MCM6: variants seen among roughly 807,000 people sequenced by gnomAD.
MCM6 encodes DNA replication licensing factor MCM6.
MCM6 carries 46 observed loss-of-function variants against 94.3 expected under a neutral mutation model. The ratio of observed to expected loss-of-function variants is 0.49; its 90% CI spans 0.39 to 0.62. The LOEUF is 0.62. MCM6 is among the 20% of genes least tolerant of loss of function. MCM6 has a pLI of 0.00. For synonymous variants in MCM6, 335 were observed against 351.9 expected, an observed-to-expected ratio of 0.95 and a Z score of 0.54; for missense variants, 865 against 1,017.9, an observed-to-expected ratio of 0.85 and a Z score of 2.04.
intron 2 of MCM6, among the ~76,000 whole-genome samples, chr2:135,872,049 G>C (rs1680211106): frequency 6.6e-6 from 1 of 152,096 alleles, no homozygotes; most frequent in African/African-American, 2.4e-5. Flanking sequence ...TTCCTGTGGG[G>C]AAAAAGGATC....
chr2:135,871,761 C>T (rs546422035), intron 2 of MCM6, among the ~76,000 whole-genome samples: 12 of 152,254 alleles, frequency 7.9e-5, no homozygotes, highest in African/African-American at 2.9e-4. Flanking sequence ...AGCATACACA[C>T]AAAGACATCA....
At position 135,843,742 on chromosome 2, in the gene MCM6, A is replaced by C. The variant is rs1005986157; in HGVS notation, c.2349+803T>G. 1.3e-4 allele frequency among the ~76,000 whole-genome samples: 20 copies of C among 151,924 alleles called. 1 individual carries two copies. Among genetic ancestry groups the C allele is most frequent in the East Asian group, 9.7e-4 (5 of 5,156 alleles). On this transcript the variant is annotated intron_variant, in intron 16 of 16. Transcript: ENST00000264156. ...CGAAACTCTGTCTCAAAAAAAAAAA[A>C]AAAAAACAAAACCATTCAGGGAAAG...
chr2:135,861,581 T>C (rs1386984321), intron 8 of MCM6, among the ~76,000 whole-genome samples: 3 of 152,220 alleles, frequency 2.0e-5, no homozygotes, highest in Non-Finnish European at 4.4e-5. Flanking sequence ...AAATATCTCA[T>C]AGCAGCATTC....
At chr2:135,848,296 C>T in intron 13 of MCM6, 108 bp from the exon 14 acceptor site, 1 of 694,992 alleles carries the variant, frequency 1.4e-6, no homozygotes, top group East Asian at 2.6e-5. Context: ...CACAAACACA[C>T]ACACTCTCAC....
chr2:135,873,731 C>T (rs186873332), intron 1 of MCM6, among the ~76,000 whole-genome samples: 36 of 152,236 alleles, frequency 2.4e-4, no homozygotes, highest in African/African-American at 7.2e-4. Flanking sequence ...ACTTTGTCTG[C>T]GTCTAGGGAG....
At chr2:135,870,410 C>T (rs1211111942) in intron 2 of MCM6, 49 bp from the exon 3 acceptor site, 1 of 1,316,254 alleles carries the variant, frequency 7.6e-7, no homozygotes, top group Admixed American at 1.7e-5. Context: ...ACCAAGGCCT[C>T]CTTCCCTTTA....
intron 14 of MCM6, among the ~76,000 whole-genome samples, chr2:135,846,758 C>T (rs1008324638): frequency 2.0e-5 from 3 of 152,156 alleles, no homozygotes; most frequent in Non-Finnish European, 2.9e-5. Context: ...AATCCCAGCA[C>T]TTTGCAAGGC....
At chr2:135,867,865 A>C (rs1680128388) in intron 4 of MCM6, among the ~76,000 whole-genome samples, 1 of 152,122 alleles carries the variant, frequency 6.6e-6, no homozygotes. Flanking sequence ...GTCTCTACTA[A>C]AAATACAAAA....
Position 135,862,673 on chromosome 2 carries a change from G to A in MCM6, c.1154C>T (p.Ser385Phe). 1 of 1,614,134 alleles carries A rather than the reference G, an allele frequency of 6.2e-7. No individual in the cohort carries two copies. The highest frequency in any genetic ancestry group is 8.5e-7 in the Non-Finnish European group (1 of 1,180,030). The change falls in exon 8 of 17, where the codon TCT becomes TTT. Residue 385 changes from serine to phenylalanine, a missense_variant. By Grantham distance (155) the Ser-to-Phe change is radical. Around this residue, in one of 3 missense-constraint regions of MCM6, gnomAD observed 153 missense variants for 241.5 expected, o/e 0.63. Transcript: ENST00000264156. ...GVPKTTGEGT[S>F]LRGDINVCIV... ...GCAAACATTTATGTCCCCTCGAAGAGAGGTCCCTTCTCCTGTTGTCTTTGG... is the reference window on the plus strand; with the variant it reads ...GCAAACATTTATGTCCCCTCGAAGAAAGGTCCCTTCTCCTGTTGTCTTTGG...
rs1679545543 is a variant in MCM6 at position 135,840,253 on chromosome 2, C to T, written c.*582G>A. On this transcript the variant is annotated 3_prime_UTR_variant, in exon 17 of 17. Coordinates refer to ENST00000264156, the MANE Select transcript of MCM6 (RefSeq NM_005915.6). Reference sequence around the variant, plus strand: ...AAAAAAAAAAACAACTGGAATTAACCTTGGAAAGTCATCTCTAAGGCCTCT... The same window carrying T: ...AAAAAAAAAAACAACTGGAATTAACTTTGGAAAGTCATCTCTAAGGCCTCT... 1 of 150,168 alleles carries T rather than the reference C, an allele frequency of 6.7e-6. No homozygotes were observed. 9.3% of individuals were successfully genotyped at this position (150,168 alleles called of 1,614,324 possible). A position where few individuals can be genotyped will look rare whatever the true frequency, so the allele number is the denominator to read the frequency against.
At chr2:135,861,095 A>T (rs1679983243) in intron 8 of MCM6, among the ~76,000 whole-genome samples, 1 of 152,232 alleles carries the variant, frequency 6.6e-6, no homozygotes, top group Non-Finnish European at 1.5e-5. Context: ...CAGGACTACT[A>T]TCTTAAAATC....
chr2:135,872,455 A>G (rs1436307767), intron 2 of MCM6, among the ~76,000 whole-genome samples: 1 of 148,762 alleles, frequency 6.7e-6, no homozygotes. Flanking sequence ...GTCTCAAAAA[A>G]CAAACAAACA....
Position 135,856,741 on chromosome 2 carries a change from T to A in MCM6, c.1613A>T (p.Asp538Val). 6.2e-7 allele frequency: 1 copy of A among 1,613,998 alleles called. No individual in the cohort carries two copies. ...TCATGGGGTTACCTCATTACATTCA[T>A]CCACAAGGATAAAGAAGAGATCGAA... ...SRFDLFFILVDECNEVTDYAI... is the reference protein window; with the variant it reads ...SRFDLFFILVVECNEVTDYAI... Residue 538 changes from aspartate (D) to valine (V), a missense_variant, in exon 11 of 17, where the codon GAT (aspartate) becomes GTT (valine). Physicochemically the swap from Asp to Val is radical, Grantham distance 152. Transcript: ENST00000264156.
intron 2 of MCM6, among the ~76,000 whole-genome samples, chr2:135,870,624 C>T (rs927527538): frequency 5.9e-5 from 9 of 152,326 alleles, no homozygotes; most frequent in African/African-American, 2.2e-4. Flanking sequence ...AGCACCCACA[C>T]TGTTGGCCAT....
Position 135,866,720 on chromosome 2 carries a change from A to C in MCM6, c.624T>G (p.Ile208Met). 6.2e-7 allele frequency: 1 copy of C among 1,607,584 alleles called. No homozygotes were observed. Among genetic ancestry groups the C allele is most frequent in the Non-Finnish European group, 8.5e-7 (1 of 1,177,666 alleles). The change falls in exon 5 of 17, where the codon ATT (isoleucine) becomes ATG (methionine). Residue 208 changes from isoleucine to methionine, a missense_variant. Physicochemically the swap from Ile to Met is conservative, Grantham distance 10. Around this residue, in one of 3 missense-constraint regions of MCM6, gnomAD observed 404 missense variants for 451.9 expected, o/e 0.89. Coordinates refer to ENST00000264156, the MANE Select transcript of MCM6 (RefSeq NM_005915.6). Reference protein sequence around the residue: ...SRFVDFQKVRIQETQAELPRG... With the variant: ...SRFVDFQKVRMQETQAELPRG... ...GAGGAAGCTCAGCTTGGGTCTCTTGAATACGAACCTGTAATACAGACAAAC... is the reference window on the plus strand; with the variant it reads ...GAGGAAGCTCAGCTTGGGTCTCTTGCATACGAACCTGTAATACAGACAAAC...
At chr2:135,862,924 A>T (rs1023190364) in intron 7 of MCM6, among the ~76,000 whole-genome samples, 176 bp from the exon 8 acceptor site, 2 of 152,222 alleles carry the variant, frequency 1.3e-5, no homozygotes, top group African/African-American at 2.4e-5. Flanking sequence ...CTGTGGACTT[A>T]GTCACCTAAA....
At chr2:135,858,381 G>A (rs746170727) in intron 9 of MCM6, among the ~76,000 whole-genome samples, 32 of 152,274 alleles carry the variant, frequency 2.1e-4, no homozygotes, top group Middle Eastern at 3.4e-3. Context: ...CAGATACTCG[G>A]GAGGCTGAGG....
At chr2:135,873,598 C>T (rs1680243303) in intron 1 of MCM6, among the ~76,000 whole-genome samples, 1 of 152,202 alleles carries the variant, frequency 6.6e-6, no homozygotes, top group Admixed American at 6.5e-5. Flanking sequence ...ATCAATTTCT[C>T]CTCCATATAC....
intron 16 of MCM6, among the ~76,000 whole-genome samples, 166 bp downstream of exon 16, chr2:135,844,378 AT>A (rs1183391428): frequency 1.3e-5 from 2 of 152,076 alleles, no homozygotes; most frequent in Non-Finnish European, 1.5e-5. Flanking sequence ...GAAATAAGTC[AT>A]TTACCTGCTG....
Sources: allele counts gnomAD v4.1 joint callset (sites outside exome capture counted in the v4.1 genomes callset), GRCh38; gene constraint gnomAD v4.1.1; regional missense constraint gnomAD v4.1.1; transcripts MANE v1.5; gene names NCBI Gene and HGNC (gene_info 2026-07-23, HGNC 2026-07-21).